Variants in RBM4B observed in about 807,000 individuals in gnomAD.
The protein encoded by RBM4B is RNA-binding protein 4B.
In RBM4B, 13 loss-of-function variants were observed where a neutral mutation model predicts 28.5. That is an observed-to-expected ratio of 0.46 (90% CI 0.30 to 0.72). The LOEUF is 0.72. Among genes scored for constraint, RBM4B ranks in the 30% least tolerant of loss-of-function variants. The pLI is 0.09. For synonymous variants in RBM4B, 167 were observed against 179.1 expected (o/e 0.93, Z 0.54); for missense variants, 387 against 477.6 (o/e 0.81, Z 1.77).
chr11:66,666,446 T>C, intron 3 of RBM4B: 1 of 987,762 alleles, frequency 1.0e-6, no homozygotes, highest in Non-Finnish European at 1.2e-6. Context: ...ATCAGGCTCC[T>C]GGGACTGCAA....
At chr11:66,671,039 C>T in intron 2 of RBM4B, 1 of 702,424 alleles carries the variant, frequency 1.4e-6, no homozygotes. Context: ...TGCACTGACC[C>T]TGAGAGGGGA....
At chr11:66,666,674 A>G (rs1484845630) in intron 3 of RBM4B, 1 of 153,264 alleles carries the variant, frequency 6.5e-6, no homozygotes, top group Non-Finnish European at 1.4e-5. Context: ...ATACCAGCTT[A>G]CTTCGGAAGC....
intron 2 of RBM4B, among the ~76,000 whole-genome samples, chr11:66,673,124 G>A (rs1939523955): frequency 1.3e-5 from 2 of 152,018 alleles, no homozygotes; most frequent in Non-Finnish European, 2.9e-5. Context: ...ATCCAGAAAA[G>A]ACTGGGGATG....
intron 3 of RBM4B, 58 bp from the exon 4 acceptor site, chr11:66,665,636 G>A (rs1434631502): frequency 2.1e-5 from 32 of 1,534,866 alleles, no homozygotes; most frequent in Middle Eastern, 1.7e-4. Context: ...GCCTGGCTCC[G>A]CGTACAAGCG....
At chr11:66,667,613 T>C (rs564812898) in intron 3 of RBM4B, 1 of 152,160 alleles carries the variant, frequency 6.6e-6, no homozygotes, top group Admixed American at 6.5e-5. Context: ...GAAGTAAACA[T>C]TTAAAATTTA....
chr11:66,670,245 C>T (rs1233957149), intron 2 of RBM4B, among the ~76,000 whole-genome samples: 1 of 136,308 alleles, frequency 7.3e-6, no homozygotes, highest in Non-Finnish European at 1.6e-5. Flanking sequence ...CCGACCCCCC[C>T]AAGGCTACTG....
rs148895686 is a variant in RBM4B, at chr11:66,668,680, T to G, written c.1024A>C (p.Met342Leu). The stretch of plus-strand genomic sequence containing the variant: ...TACTGCTCCCGTTCATACCGGGCCA[T>G]GTCATACAGAGAATTCCGTGTAGCT... Reference protein sequence around the residue: ...SAATRNSLYDMARYEREQYVD... With the variant: ...SAATRNSLYDLARYEREQYVD... Residue 342 changes from methionine to leucine, a missense_variant, in exon 3 of 4, where the codon ATG becomes CTG. By Grantham distance (15) the Met-to-Leu change is conservative (BLOSUM62 2). Transcript: ENST00000310046. The G allele has an allele frequency of 1.2e-6, 2 of 1,614,174 alleles. No homozygotes were observed. Among genetic ancestry groups the G allele is most frequent in the Non-Finnish European group, 1.7e-6 (2 of 1,179,998 alleles).
intron 2 of RBM4B, among the ~76,000 whole-genome samples, chr11:66,675,271 A>T (rs1939601475): frequency 6.6e-6 from 1 of 152,240 alleles, no homozygotes; most frequent in Non-Finnish European, 1.5e-5. Flanking sequence ...TAGCCCCACT[A>T]CAATCCTGTG....
chr11:66,675,399 T>C (rs1403068273), intron 2 of RBM4B, among the ~76,000 whole-genome samples: 7 of 152,214 alleles, frequency 4.6e-5, no homozygotes. Flanking sequence ...TGGTAGGAAG[T>C]ATCTGCAACC....
rs778581838 is a variant in RBM4B at position 66,669,043 on chromosome 11, A to G, written c.661T>C (p.Tyr221His). Residue 221 changes from tyrosine (Y) to histidine (H), a missense_variant, in exon 3 of 4, where the codon TAT becomes CAT. By Grantham distance (83) the Tyr-to-His change is moderately conservative. Transcript: ENST00000310046. ...TAAGAGCGGACCCGGTATCGCTTAT[A>G]GTAGTCGAGTGCTCCATATGCATCG... ...YNDAYGALDYYKRYRVRSYEA... is the reference protein window; with the variant it reads ...YNDAYGALDYHKRYRVRSYEA... 1.2e-6 allele frequency: 2 copies of G among 1,614,090 alleles called. No individual in the cohort carries two copies. Among genetic ancestry groups the G allele is most frequent in the African/African-American group, 2.7e-5 (2 of 74,928 alleles).
At position 66,668,640 on chromosome 11, in the gene RBM4B, C is replaced by G. The variant is rs189779869; in HGVS notation, c.1064G>C (p.Arg355Pro). 2.5e-6 allele frequency: 4 copies of G among 1,602,666 alleles called. No homozygotes were observed. In the Admixed American group the frequency reaches 6.7e-5, roughly 27 times the overall value. Residue 355 changes from arginine (R) to proline (P), a missense_variant, in exon 3 of 4, where the codon CGG becomes CCG. Arg to Pro is a moderately radical substitution (Grantham distance 103). Coordinates refer to ENST00000310046, the MANE Select transcript of RBM4B (RefSeq NM_031492.4). ...YEREQYVDRARYSAF is the reference protein window; with the variant it reads ...YEREQYVDRAPYSAF ...CTCCAGTTTTTAAAAGGCTGAGTAC[C>G]GGGCTCGGTCCACATACTGCTCCCG... is the stretch of plus-strand genomic sequence containing the variant.
chr11:66,665,739 A>G (rs1939205383), intron 3 of RBM4B, 161 bp from the exon 4 acceptor site: 2 of 1,328,174 alleles, frequency 1.5e-6, no homozygotes, highest in Non-Finnish European at 2.0e-6. Flanking sequence ...GTAATTACCT[A>G]GGAGTCTATC....
chr11:66,667,216 TG>T, intron 3 of RBM4B: 1 of 152,348 alleles, frequency 6.6e-6, no homozygotes. Flanking sequence ...AAAGTCATAA[TG>T]CCATTTCCAC....
chr11:66,665,743 G>GTCTA (rs1939205753), intron 3 of RBM4B, 165 bp from the exon 4 acceptor site: 1 of 1,323,874 alleles, frequency 7.6e-7, no homozygotes, highest in Admixed American at 2.3e-5. Flanking sequence ...TTACCTAGGA[G>GTCTA]TCTATCAATA....
At chr11:66,677,264 A>G in intron 1 of RBM4B, 173 bp from the exon 2 acceptor site, 2 of 763,610 alleles carry the variant, frequency 2.6e-6, no homozygotes, top group African/African-American at 1.8e-5. Flanking sequence ...AGTGCGAGCT[A>G]TGCGTGACAT....
rs1236415767 is a variant in RBM4B, at chr11:66,665,451, T to C, written c.*137A>G. On this transcript the variant is annotated 3_prime_UTR_variant, in exon 4 of 4. Coordinates refer to ENST00000310046, the MANE Select transcript of RBM4B (RefSeq NM_031492.4). Reference sequence around the variant, plus strand: ...CTTAGAAGAATTAAGAAAGAAAACATAGTTGGTCACAAACTCCTTTTGTTT... The same window carrying C: ...CTTAGAAGAATTAAGAAAGAAAACACAGTTGGTCACAAACTCCTTTTGTTT... The C allele has an allele frequency of 2.7e-6, 2 of 739,892 alleles. No homozygotes were observed. The highest frequency in any genetic ancestry group is 2.7e-5 in the East Asian group (1 of 37,260). The allele number at this position is 739,892 out of a possible 1,614,324, so 45.8% of individuals were successfully genotyped here.
chr11:66,674,969 T>C (rs1220913713), intron 2 of RBM4B, among the ~76,000 whole-genome samples: 1 of 152,230 alleles, frequency 6.6e-6, no homozygotes, highest in Admixed American at 6.5e-5. Flanking sequence ...ATTTTGCTCA[T>C]TACCTGTCAG....
intron 2 of RBM4B, among the ~76,000 whole-genome samples, chr11:66,672,510 G>T (rs1045211123): frequency 6.6e-6 from 1 of 150,844 alleles, no homozygotes; most frequent in Non-Finnish European, 1.5e-5. Context: ...TTTTTTGGGG[G>T]GGGGGGACAG....
In RBM4B at chr11:66,665,371, T is replaced by A; in HGVS notation, c.*217A>T. ...TAGGGCTGCTCAGAGGCTGAGAATA[T>A]AAGGAACAGAGTGAAAGGCTACAGA... On this transcript the variant is annotated 3_prime_UTR_variant, in exon 4 of 4. Transcript: ENST00000310046. 1 of 600,374 alleles carries A rather than the reference T, an allele frequency of 1.7e-6. No individual in the cohort carries two copies. Among genetic ancestry groups the A allele is most frequent in the Non-Finnish European group, 2.9e-6 (1 of 339,262 alleles). 37.2% of individuals were successfully genotyped at this position (600,374 alleles called of 1,614,324 possible).
Sources: gnomAD v4.1 joint callset for allele counts (sites outside exome capture counted in the v4.1 genomes callset) on GRCh38, gnomAD v4.1.1 for gene constraint, MANE v1.5 for transcripts, NCBI Gene and HGNC (gene_info 2026-07-23, HGNC 2026-07-21) for gene names.